The following TSPAN9 variants were observed in gnomAD, a reference collection of about 807,000 sequenced individuals.
TSPAN9 encodes the protein tetraspanin 9, also known as tetraspanin-9.
A neutral mutation model predicts 31.0 loss-of-function variants in TSPAN9; 16 were observed. That is an observed-to-expected ratio of 0.52 (90% CI 0.35 to 0.78). The LOEUF is 0.78. Among genes scored for constraint, TSPAN9 ranks in the 30% least tolerant of loss-of-function variants. The pLI, the probability that TSPAN9 is intolerant of heterozygous loss-of-function variation, is 0.01. For synonymous variants in TSPAN9, 145 were observed against 121.6 expected (o/e 1.19, Z -1.27); for missense variants, 272 against 312.5 (o/e 0.87, Z 0.98).
intron 2 of TSPAN9, among the ~76,000 whole-genome samples, chr12:3,130,392 C>T (rs938882332): frequency 2.4e-4 from 37 of 152,348 alleles, no homozygotes; most frequent in African/African-American, 6.0e-4. Flanking sequence ...ACTAGCTTTC[C>T]GCTTGCTGGC....
At chr12:3,123,290 C>T (rs2098325955) in intron 2 of TSPAN9, among the ~76,000 whole-genome samples, 2 of 152,186 alleles carry the variant, frequency 1.3e-5, no homozygotes, top group Admixed American at 1.3e-4. Context: ...TCTTGGTGCC[C>T]TAGAGCCCTG....
intron 2 of TSPAN9, among the ~76,000 whole-genome samples, chr12:3,117,497 G>A (rs1282154535): frequency 6.6e-6 from 1 of 152,004 alleles, no homozygotes; most frequent in Non-Finnish European, 1.5e-5. Context: ...AGTGCTTAGC[G>A]GTCCCTCTGC....
At position 3,086,124 on chromosome 12, in the gene TSPAN9, A is replaced by T. The variant is rs1483791066; in HGVS notation, c.-18+2405A>T. Reference sequence around the variant, plus strand: ...CAACTTCAATCATAGCCACAGCATAACGAAATGAGAATATCTGCCTGGAGC... The same window carrying T: ...CAACTTCAATCATAGCCACAGCATATCGAAATGAGAATATCTGCCTGGAGC... On this transcript the variant is annotated intron_variant, in intron 2 of 8. Coordinates refer to ENST00000011898, the MANE Select transcript of TSPAN9 (RefSeq NM_006675.5). Among the ~76,000 whole-genome samples the T allele has an allele frequency of 2.0e-5, 3 of 152,220 alleles. No homozygotes were observed. In the East Asian group the frequency reaches 5.8e-4, roughly 29 times the overall value.
intron 2 of TSPAN9, among the ~76,000 whole-genome samples, chr12:3,123,199 A>G (rs528292570): frequency 1.3e-5 from 2 of 152,116 alleles, no homozygotes; most frequent in Non-Finnish European, 1.5e-5. Context: ...TTAGCTCGGG[A>G]GTGGCGTCTG....
At chr12:3,135,441 G>A (rs1171027972) in intron 2 of TSPAN9, among the ~76,000 whole-genome samples, 1 of 152,148 alleles carries the variant, frequency 6.6e-6, no homozygotes, top group Non-Finnish European at 1.5e-5. Context: ...CTTAATCCCT[G>A]GGAGGATAGG....
At position 3,143,539 on chromosome 12, in the gene TSPAN9, T is replaced by C. The variant is rs1161553472; in HGVS notation, c.-17-57638T>C. On this transcript the variant is annotated intron_variant, in intron 2 of 8. Coordinates refer to ENST00000011898, the MANE Select transcript of TSPAN9 (RefSeq NM_006675.5). This position sits in a 1 kb window ranked among gnomAD's most constrained non-coding sequence, Gnocchi z 4.2. ...TCCCACTTATTTATTCAATTAGTTA[T>C]TTTTATCATTACAGACTCATGGATA... is the stretch of plus-strand genomic sequence containing the variant. Among the ~76,000 whole-genome samples the C allele has an allele frequency of 7.9e-5, 12 of 152,118 alleles. No individual in the cohort carries two copies. The highest frequency in any genetic ancestry group is 7.9e-4 in the Admixed American group (12 of 15,268).
At position 3,109,066 on chromosome 12, in the gene TSPAN9, G is replaced by A. The variant is rs1211634779; in HGVS notation, c.-18+25347G>A. 3.3e-5 allele frequency among the ~76,000 whole-genome samples: 5 copies of A among 151,986 alleles called. No individual in the cohort carries two copies. The East Asian group carries it at 9.7e-4, about 30-fold the overall frequency. ...TTCTCCTGTCTCAGCCTCCCGAGTA[G>A]CTGGGACTACAGGCACTCGCCACCA... is the stretch of plus-strand genomic sequence containing the variant. On this transcript the variant is annotated intron_variant, in intron 2 of 8. Transcript: ENST00000011898.
chr12:3,218,976 G>GCAGC (rs575051503), intron 3 of TSPAN9, among the ~76,000 whole-genome samples: 1,595 of 152,310 alleles, frequency 0.01, 31 homozygotes, highest in African/African-American at 0.036. Flanking sequence ...GGCCACTCAG[G>GCAGC]CAGCCAGCCA....
chr12:3,254,912 C>G (rs1862316946), intron 3 of TSPAN9, among the ~76,000 whole-genome samples: 1 of 152,172 alleles, frequency 6.6e-6, no homozygotes, highest in South Asian at 2.1e-4. Flanking sequence ...GTGGATGCAT[C>G]ATGCACACAT....
intron 3 of TSPAN9, among the ~76,000 whole-genome samples, chr12:3,226,026 G>A (rs534469294): frequency 1.3e-5 from 2 of 152,268 alleles, no homozygotes; most frequent in South Asian, 4.2e-4. Flanking sequence ...GCCTGACTCA[G>A]GGAGAGGGGT....
chr12:3,105,846 T>TCACACGTTCA (rs1461155718), intron 2 of TSPAN9, among the ~76,000 whole-genome samples: 1 of 149,138 alleles, frequency 6.7e-6, no homozygotes, highest in Non-Finnish European at 1.5e-5. Context: ...ATACACACGC[T>TCACACGTTCA]CACACACGTT....
At chr12:3,109,750 A>G (rs975233946) in intron 2 of TSPAN9, among the ~76,000 whole-genome samples, 2 of 147,120 alleles carry the variant, frequency 1.4e-5, no homozygotes, top group Non-Finnish European at 3.0e-5. Context: ...GTCAGCCGAG[A>G]TCGCACCACT....
At position 3,247,300 on chromosome 12, in the gene TSPAN9, C is replaced by G. The variant is rs58421895; in HGVS notation, c.64-31121C>G. 6.8e-3 allele frequency among the ~76,000 whole-genome samples: 62 copies of G among 9,094 alleles called. 11 individuals are homozygous for G. In the South Asian group the frequency reaches 0.15, roughly 21 times the overall value. 6.0% of individuals were successfully genotyped at this position (9,094 alleles called of 152,430 possible). Reference sequence around the variant, plus strand: ...GTGGCTGATGAGCATTACTGGCCAGCCCCCCCCCCCCCGCCACCCGCGTCC... The same window carrying G: ...GTGGCTGATGAGCATTACTGGCCAGGCCCCCCCCCCCCGCCACCCGCGTCC... On this transcript the variant is annotated intron_variant, in intron 3 of 8. Transcript: ENST00000011898.
intron 2 of TSPAN9, among the ~76,000 whole-genome samples, chr12:3,156,759 C>T (rs2098342500): frequency 6.6e-6 from 1 of 152,176 alleles, no homozygotes; most frequent in Non-Finnish European, 1.5e-5. Flanking sequence ...CTGCCCTCCT[C>T]AGCCTCCCAA....
In TSPAN9 at chr12:3,283,194, C is replaced by T. The variant is rs551137676; in HGVS notation, c.*78C>T. 4.0e-5 allele frequency: 60 copies of T among 1,494,554 alleles called. 1 individual carries two copies. Among genetic ancestry groups the T allele is most frequent in the South Asian group, 2.6e-4 (23 of 87,056 alleles). The allele number at this position is 1,494,554 out of a possible 1,614,324, so 92.6% of individuals were successfully genotyped here. Reference sequence around the variant, plus strand: ...GATTGAGCTTTGTGTCACCTGCCTGCGCTCTCCAGATATGACCCCTGCACC... The same window carrying T: ...GATTGAGCTTTGTGTCACCTGCCTGTGCTCTCCAGATATGACCCCTGCACC... On this transcript the variant is annotated 3_prime_UTR_variant, in exon 9 of 9. Transcript: ENST00000011898.
chr12:3,150,843 C>T (rs1420220297), intron 2 of TSPAN9: 2 of 152,316 alleles, frequency 1.3e-5, no homozygotes, highest in Non-Finnish European at 2.9e-5. Flanking sequence ...ACTCAATACT[C>T]CCTGACAGCC....
Position 3,198,739 on chromosome 12 carries a change from GCCACCACCAGCACAGC to G in TSPAN9, c.-17-2437_-17-2422del, listed in dbSNP as rs1565610597. 2.7e-4 allele frequency among the ~76,000 whole-genome samples: 13 copies of G among 48,808 alleles called. 1 individual carries two copies. Among genetic ancestry groups the G allele is most frequent in the East Asian group, 6.5e-4 (1 of 1,542 alleles). 32.0% of individuals were successfully genotyped at this position (48,808 alleles called of 152,430 possible). A position where few individuals can be genotyped will look rare whatever the true frequency, so the allele number is the denominator to read the frequency against. ...CCAGCACAGCTCACCACCAGCACAG[GCCACCACCAGCACAGC>G]TCACCACCAGCACAGGCCACCACCA... is the stretch of plus-strand genomic sequence containing the variant. On this transcript the variant is annotated intron_variant, in intron 2 of 8. Transcript: ENST00000011898.
At chr12:3,231,151 CT>C (rs2098390543) in intron 3 of TSPAN9, among the ~76,000 whole-genome samples, 1 of 151,878 alleles carries the variant, frequency 6.6e-6, no homozygotes, top group Non-Finnish European at 1.5e-5. Flanking sequence ...TACATTCTTT[CT>C]TTCTACCCTG....
intron 3 of TSPAN9, among the ~76,000 whole-genome samples, chr12:3,205,055 G>A (rs1288393266): frequency 1.3e-5 from 2 of 152,014 alleles, no homozygotes; most frequent in Admixed American, 6.6e-5. Context: ...CCTTCCTGGG[G>A]CAGCAAGTCC....
Sources: allele counts gnomAD v4.1 joint callset (sites outside exome capture counted in the v4.1 genomes callset), GRCh38; gene constraint gnomAD v4.1.1; non-coding constraint Gnocchi (gnomAD v3.1); transcripts MANE v1.5; gene names NCBI Gene and HGNC (gene_info 2026-07-23, HGNC 2026-07-21).